VIPR2: variants seen among roughly 807,000 people sequenced by gnomAD.
VIPR2 encodes vasoactive intestinal polypeptide receptor 2.
Under a neutral mutation model 58.0 loss-of-function variants are expected in VIPR2, and 48 were observed. The observed-to-expected ratio is 0.83, with a 90% CI of 0.66 to 1.05. VIPR2 has a LOEUF of 1.05. Among genes scored for constraint, VIPR2 ranks in the 50% least tolerant of loss-of-function variants. The probability of loss-of-function intolerance (pLI) is 0.00; values close to 1 mark genes in which losing one functional copy is unlikely to be tolerated. For synonymous variants in VIPR2, 243 were observed against 235.2 expected, an observed-to-expected ratio of 1.03 and a Z score of -0.30; for missense variants, 534 against 558.0, an observed-to-expected ratio of 0.96 and a Z score of 0.43.
At chr7:159,134,513 C>T (rs1178511575) in intron 2 of VIPR2, among the ~76,000 whole-genome samples, 3 of 152,062 alleles carry the variant, frequency 2.0e-5, no homozygotes, top group African/African-American at 7.2e-5. Flanking sequence ...AGTGGGTATA[C>T]ACAGTTGTAG....
At chr7:159,133,079 C>T (rs1423487790) in intron 2 of VIPR2, among the ~76,000 whole-genome samples, 2 of 144,626 alleles carry the variant, frequency 1.4e-5, no homozygotes, top group Non-Finnish European at 1.6e-5. Context: ...TCAAACAAAA[C>T]GCTATTTTGA....
Position 159,097,128 on chromosome 7 carries a change from C to T in VIPR2, c.357+6629G>A, listed in dbSNP as rs1458746463. On this transcript the variant is annotated intron_variant, in intron 4 of 12. Transcript: ENST00000262178. This position sits in a 1 kb window ranked among gnomAD's most constrained non-coding sequence, Gnocchi z 5.3. ...GGGTTGGCGGGATGATCAGATGGTG[C>T]CTCCCACAAAGGCATCTGCAGTGCC... is the stretch of plus-strand genomic sequence containing the variant. The T allele has an allele frequency of 1.2e-5, 18 of 1,477,664 alleles. No homozygotes were observed. Among genetic ancestry groups the T allele is most frequent in the Admixed American group, 2.3e-5 (1 of 43,652 alleles). The allele number at this position is 1,477,664 out of a possible 1,614,324, so 91.5% of individuals were successfully genotyped here.
intron 4 of VIPR2, among the ~76,000 whole-genome samples, chr7:159,089,390 C>T (rs867404172): frequency 9.7e-5 from 5 of 51,426 alleles, no homozygotes; most frequent in Admixed American, 2.3e-4. Flanking sequence ...CAGGCCTCGG[C>T]TCCTCATCTG....
At position 159,043,026 on chromosome 7, in the gene VIPR2, C is replaced by G; in HGVS notation, c.597+9G>C. 1.2e-6 allele frequency: 2 copies of G among 1,613,046 alleles called. No individual in the cohort carries two copies. Among genetic ancestry groups the G allele is most frequent in the Non-Finnish European group, 1.7e-6 (2 of 1,179,408 alleles). The stretch of plus-strand genomic sequence containing the variant: ...AGACAGTGGGACCCTGTGGTGGGGA[C>G]AGCCTTACCCAGGAGGATGGCTGGT... On this transcript the variant is annotated intron_variant, in intron 6 of 12. Coordinates refer to ENST00000262178, the MANE Select transcript of VIPR2 (RefSeq NM_003382.5).
At chr7:159,086,428 C>T (rs1178857210) in intron 4 of VIPR2, among the ~76,000 whole-genome samples, 1 of 152,186 alleles carries the variant, frequency 6.6e-6, no homozygotes, top group Non-Finnish European at 1.5e-5. Context: ...GCTGAAAAGG[C>T]CTTCCCAAAG....
chr7:159,030,864 C>A, intron 12 of VIPR2, 75 bp from the exon 13 acceptor site: 3 of 1,418,762 alleles, frequency 2.1e-6, no homozygotes, highest in Non-Finnish European at 1.8e-6. Flanking sequence ...GCGCGGCCCG[C>A]GAGCCTCCAG....
In VIPR2 at chr7:159,085,265, C is replaced by T. The variant is rs77551836; in HGVS notation, c.357+18492G>A. ...GACACCAGATTGAGTCTCACTGCTC[C>T]GTTCCCACAACACGGATGAGGCGGG... On this transcript the variant is annotated intron_variant, in intron 4 of 12. Coordinates refer to ENST00000262178, the MANE Select transcript of VIPR2 (RefSeq NM_003382.5). Among the ~76,000 whole-genome samples the T allele has an allele frequency of 2.9e-4, 44 of 152,262 alleles. 1 individual carries two copies. The East Asian group carries it at 7.0e-3, about 24-fold the overall frequency.
intron 6 of VIPR2, among the ~76,000 whole-genome samples, chr7:159,040,334 G>A (rs1018365875): frequency 2.2e-4 from 34 of 152,242 alleles, no homozygotes; most frequent in African/African-American, 7.5e-4. Flanking sequence ...CAGCCCCGTG[G>A]CCTTGTCGGG....
At chr7:159,057,669 C>T (rs1855400111) in intron 5 of VIPR2, among the ~76,000 whole-genome samples, 1 of 152,142 alleles carries the variant, frequency 6.6e-6, no homozygotes, top group South Asian at 2.1e-4. Flanking sequence ...TGAATAGCCT[C>T]CATTTTATTT....
At chr7:159,058,387 CAG>C in intron 5 of VIPR2, 92 bp downstream of exon 5, 1 of 989,786 alleles carries the variant, frequency 1.0e-6, no homozygotes, top group South Asian at 1.3e-5. Flanking sequence ...GCTTAGCACA[CAG>C]AGGGCTCCAG....
Position 159,107,760 on chromosome 7 carries a change from A to T in VIPR2, c.259+2052T>A, listed in dbSNP as rs1197359437. On this transcript the variant is annotated intron_variant, in intron 3 of 12. Transcript: ENST00000262178. ...ACTGCTTCTGGAGCTGCTGCAGGGC[A>T]GGGGTTAGGACCTGGAGAAGGAGCT... 7.3e-5 allele frequency among the ~76,000 whole-genome samples: 11 copies of T among 151,556 alleles called. No individual in the cohort carries two copies. The East Asian group carries it at 2.1e-3, about 29-fold the overall frequency.
At chr7:159,063,272 A>T (rs1464864470) in intron 4 of VIPR2, among the ~76,000 whole-genome samples, 2 of 152,060 alleles carry the variant, frequency 1.3e-5, no homozygotes, top group Non-Finnish European at 2.9e-5. Context: ...GCAGGTCCCG[A>T]GCCCTGCCCT....
At chr7:159,111,972 C>T (rs981404180) in intron 2 of VIPR2, among the ~76,000 whole-genome samples, 1 of 152,112 alleles carries the variant, frequency 6.6e-6, no homozygotes, top group African/African-American at 2.4e-5. Context: ...GATCATGGCA[C>T]CGCACTCCAG....
At chr7:159,137,178 G>C (rs997449092) in intron 2 of VIPR2, among the ~76,000 whole-genome samples, 1 of 152,100 alleles carries the variant, frequency 6.6e-6, no homozygotes, top group Non-Finnish European at 1.5e-5. Context: ...GTGACCCACT[G>C]TGGTCACCCA....
At position 159,128,326 on chromosome 7, in the gene VIPR2, C is replaced by G. The variant is rs776680439; in HGVS notation, c.151+14120G>C. Among the ~76,000 whole-genome samples the G allele has an allele frequency of 2.0e-5, 3 of 152,212 alleles. No individual in the cohort carries two copies. The highest frequency in any genetic ancestry group is 4.4e-5 in the Non-Finnish European group (3 of 68,026). ...CCATCCTCCTCCAACCCCTGACCACCCTGGAGCAGTTCTGAGCCTGCAGTG... is the reference window on the plus strand; with the variant it reads ...CCATCCTCCTCCAACCCCTGACCACGCTGGAGCAGTTCTGAGCCTGCAGTG... On this transcript the variant is annotated intron_variant, in intron 2 of 12. Transcript: ENST00000262178. This position sits in a 1 kb window ranked among gnomAD's most constrained non-coding sequence, Gnocchi z 4.1.
intron 4 of VIPR2, among the ~76,000 whole-genome samples, chr7:159,079,995 A>C (rs1856823987): frequency 6.6e-6 from 1 of 152,224 alleles, no homozygotes; most frequent in East Asian, 1.9e-4. Flanking sequence ...AACCAAAAAA[A>C]GTCCAGGACC....
In VIPR2 at chr7:159,029,642, C is replaced by G. The variant is rs759312528; in HGVS notation, c.*974G>C. 1.3e-5 allele frequency: 2 copies of G among 152,278 alleles called. No individual in the cohort carries two copies. Among genetic ancestry groups the G allele is most frequent in the Admixed American group, 6.5e-5 (1 of 15,290 alleles). 9.4% of individuals were successfully genotyped at this position (152,278 alleles called of 1,614,324 possible). On this transcript the variant is annotated 3_prime_UTR_variant, in exon 13 of 13. Transcript: ENST00000262178. Reference sequence around the variant, plus strand: ...GCCTGGGGCTGAGCGTCAGGCTCTGCGGCTCCCACAGGGCGGCAGGTGACC... The same window carrying G: ...GCCTGGGGCTGAGCGTCAGGCTCTGGGGCTCCCACAGGGCGGCAGGTGACC...
intron 2 of VIPR2, among the ~76,000 whole-genome samples, chr7:159,114,016 T>G (rs1796142776): frequency 6.6e-6 from 1 of 152,134 alleles, no homozygotes; most frequent in African/African-American, 2.4e-5. Context: ...TCATTTGCCT[T>G]TTACAATTTT....
intron 5 of VIPR2, among the ~76,000 whole-genome samples, chr7:159,047,718 A>T (rs1409119963): frequency 1.3e-5 from 2 of 152,228 alleles, no homozygotes; most frequent in African/African-American, 4.8e-5. Context: ...ATTTATGTGC[A>T]AATGCTTTGA....
Sources: allele counts gnomAD v4.1 joint callset (sites outside exome capture counted in the v4.1 genomes callset), GRCh38; gene constraint gnomAD v4.1.1; non-coding constraint Gnocchi (gnomAD v3.1); transcripts MANE v1.5; gene names NCBI Gene and HGNC (gene_info 2026-07-23, HGNC 2026-07-21).